Variants in PIP4K2C observed in about 807,000 individuals in gnomAD.
The protein encoded by PIP4K2C is phosphatidylinositol-5-phosphate 4-kinase type 2 gamma.
In PIP4K2C, 21 loss-of-function variants were observed where a neutral mutation model predicts 45.0. That is an observed-to-expected ratio of 0.47 (90% CI 0.33 to 0.67). The LOEUF (loss-of-function observed/expected upper bound fraction) is 0.67. PIP4K2C is among the 30% of genes least tolerant of loss of function. PIP4K2C has a pLI of 0.02. For synonymous variants in PIP4K2C, 201 were observed against 204.8 expected (o/e 0.98, Z 0.16); for missense variants, 456 against 542.8 (o/e 0.84, Z 1.59).
chr12:57,599,031 C>T (rs1334146592), intron 4 of PIP4K2C, 34 bp from the exon 5 acceptor site: 7 of 1,606,778 alleles, frequency 4.4e-6, no homozygotes, highest in Non-Finnish European at 6.0e-6. Context: ...TGCTACTCAG[C>T]CTCTCCCCAT....
chr12:57,594,995 TAAAA>T (rs560419371), intron 2 of PIP4K2C, 127 bp from the exon 3 acceptor site: 6 of 596,736 alleles, frequency 1.0e-5, no homozygotes, highest in Admixed American at 9.0e-5. Flanking sequence ...AAATAAAAAT[TAAAA>T]AAAAAGGACC....
chr12:57,601,687 C>G lies in PIP4K2C; in HGVS notation c.*81C>G. On this transcript the variant is annotated 3_prime_UTR_variant, in exon 10 of 10. Transcript: ENST00000354947. ...GGAATTGTGGGGATATTCTAGCCAC[C>G]AGTTCTCTTCTTCCTTTGCTAAATT... The G allele has an allele frequency of 8.1e-7, 1 of 1,227,154 alleles. No homozygotes were observed. The highest frequency in any genetic ancestry group is 1.2e-6 in the Non-Finnish European group (1 of 828,160). The allele number at this position is 1,227,154 out of a possible 1,614,324, so 76.0% of individuals were successfully genotyped here.
intron 1 of PIP4K2C, 60 bp downstream of exon 1, chr12:57,591,523 C>G: frequency 1.3e-6 from 2 of 1,487,576 alleles, no homozygotes; most frequent in Non-Finnish European, 1.8e-6. Flanking sequence ...CGAGGCGTCC[C>G]TGTTTCCAGG....
Position 57,601,630 on chromosome 12 carries a change from G to A in PIP4K2C, c.*24G>A, listed in dbSNP as rs1229413305. 1 of 1,566,548 alleles carries A rather than the reference G, an allele frequency of 6.4e-7. No individual in the cohort carries two copies. The highest frequency in any genetic ancestry group is 1.7e-5 in the Admixed American group (1 of 59,952). On this transcript the variant is annotated 3_prime_UTR_variant, in exon 10 of 10. Coordinates refer to ENST00000354947, the MANE Select transcript of PIP4K2C (RefSeq NM_024779.5). Reference sequence around the variant, plus strand: ...AAGAGACTGCCTGGTTCTCTCTGATGTTCAAGGTGGTGGGGTTCTGAGACA... The same window carrying A: ...AAGAGACTGCCTGGTTCTCTCTGATATTCAAGGTGGTGGGGTTCTGAGACA...
At position 57,595,909 on chromosome 12, in the gene PIP4K2C, C is replaced by T; in HGVS notation, c.391C>T (p.Pro131Ser). ...DYLVSLTRNP[P>S]SESEGSDGRF... ...CCAGGTGTCCCTTACCCGAAACCCC[C>T]CCAGCGAAAGTGAAGGCAGTGATGG... Residue 131 changes from proline (P) to serine (S), a missense_variant, in exon 4 of 10, where the codon CCC (proline) becomes TCC (serine). Around this residue, in one of 2 missense-constraint regions of PIP4K2C, gnomAD observed 421 missense variants for 473.1 expected, o/e 0.89. Coordinates refer to ENST00000354947, the MANE Select transcript of PIP4K2C (RefSeq NM_024779.5). 6.2e-7 allele frequency: 1 copy of T among 1,614,068 alleles called. No individual in the cohort carries two copies.
chr12:57,591,495 G>T (rs2140180081), intron 1 of PIP4K2C, 32 bp downstream of exon 1: 1 of 1,557,708 alleles, frequency 6.4e-7, no homozygotes, highest in Middle Eastern at 1.7e-4. Flanking sequence ...CCGCAGCCCT[G>T]TCCAAACCCC....
At position 57,591,303 on chromosome 12, in the gene PIP4K2C, C is replaced by T. The variant is rs1882940542; in HGVS notation, c.14C>T (p.Ser5Leu). Residue 5 changes from serine (S) to leucine (L), a missense_variant, in exon 1 of 10, where the codon TCG (serine) becomes TTG (leucine). Ser to Leu is a moderately radical substitution (Grantham distance 145). Coordinates refer to ENST00000354947, the MANE Select transcript of PIP4K2C (RefSeq NM_024779.5). MASS[S>L]VPPATVSAAT... The stretch of plus-strand genomic sequence containing the variant: ...GCGCGGGAGACTATGGCGTCCTCCT[C>T]GGTCCCACCAGCCACGGTATCGGCG... The T allele has an allele frequency of 1.9e-6, 3 of 1,611,504 alleles. No homozygotes were observed. Among genetic ancestry groups the T allele is most frequent in the Non-Finnish European group, 2.5e-6 (3 of 1,178,592 alleles).
chr12:57,598,286 C>T (rs888567102), intron 4 of PIP4K2C, among the ~76,000 whole-genome samples: 4 of 151,814 alleles, frequency 2.6e-5, no homozygotes, highest in Non-Finnish European at 1.5e-5. Context: ...TTTGGGAGGC[C>T]GAGGTGGGCA....
In PIP4K2C at chr12:57,595,015, G is replaced by T. The variant is rs553006463; in HGVS notation, c.273-111G>T. 210 of 695,954 alleles carry T rather than the reference G, an allele frequency of 3.0e-4. 1 individual carries two copies. The Admixed American group carries it at 5.0e-3, about 17-fold the overall frequency. 43.1% of individuals were successfully genotyped at this position (695,954 alleles called of 1,614,324 possible). A position where few individuals can be genotyped will look rare whatever the true frequency, so the allele number is the denominator to read the frequency against. On this transcript the variant is annotated intron_variant, in intron 2 of 9. Coordinates refer to ENST00000354947, the MANE Select transcript of PIP4K2C (RefSeq NM_024779.5). The stretch of plus-strand genomic sequence containing the variant: ...AAAATTAAAAAAAAAGGACCTCACA[G>T]GGTTTTATGAGAATCAAATGAGGTA...
Position 57,600,559 on chromosome 12 carries a change from T to C in PIP4K2C, c.813+122T>C, listed in dbSNP as rs1407518530. 12 of 805,356 alleles carry C rather than the reference T, an allele frequency of 1.5e-5. No individual in the cohort carries two copies. The East Asian group carries it at 2.5e-4, about 17-fold the overall frequency. 49.9% of individuals were successfully genotyped at this position (805,356 alleles called of 1,614,324 possible). On this transcript the variant is annotated intron_variant, in intron 7 of 9. Coordinates refer to ENST00000354947, the MANE Select transcript of PIP4K2C (RefSeq NM_024779.5). ...CCCTTTATTCTTCAGGTCCTCTGCC[T>C]ATATGGGGGTTTAGTATGAGACATG...
chr12:57,591,882 C>A (rs1426353103), intron 1 of PIP4K2C, among the ~76,000 whole-genome samples: 1 of 151,988 alleles, frequency 6.6e-6, no homozygotes, highest in Non-Finnish European at 1.5e-5. Flanking sequence ...TGAAAAGGTT[C>A]TTTCACTTTG....
intron 4 of PIP4K2C, 93 bp from the exon 5 acceptor site, chr12:57,598,972 T>C (rs770174933): frequency 1.1e-5 from 15 of 1,381,910 alleles, no homozygotes; most frequent in Non-Finnish European, 1.5e-5. Flanking sequence ...AGTCCTCTGC[T>C]CTACCCTGGA....
rs754478884 is a variant in PIP4K2C, at chr12:57,601,048, A to T, written c.1051A>T (p.Ile351Phe). The T allele has an allele frequency of 2.5e-6, 4 of 1,613,820 alleles. No individual in the cohort carries two copies. Among genetic ancestry groups the T allele is most frequent in the Non-Finnish European group, 3.4e-6 (4 of 1,180,014 alleles). Reference protein sequence around the residue: ...PLGPGEFESFIDVYAIRSAEG... With the variant: ...PLGPGEFESFFDVYAIRSAEG... ...GGGCCCAGGAGAGTTTGAGTCCTTC[A>T]TTGATGTCTATGCCATCCGGAGTGC... The change falls in exon 8 of 10, where the codon ATT (isoleucine) becomes TTT (phenylalanine). Residue 351 changes from isoleucine to phenylalanine, a missense_variant. By Grantham distance (21) the Ile-to-Phe change is conservative. Coordinates refer to ENST00000354947, the MANE Select transcript of PIP4K2C (RefSeq NM_024779.5).
chr12:57,596,481 G>A (rs1383794100), intron 4 of PIP4K2C, among the ~76,000 whole-genome samples: 6 of 126,042 alleles, frequency 4.8e-5, no homozygotes, highest in Middle Eastern at 4.0e-3. Context: ...GCAAAACTCC[G>A]CCTAAAAAAA....
In PIP4K2C at chr12:57,595,911, C is replaced by A. The variant is rs1470154224; in HGVS notation, c.393C>A (p.Pro131=). The A allele has an allele frequency of 3.7e-6, 6 of 1,613,960 alleles. No individual in the cohort carries two copies. The African/African-American group carries it at 6.7e-5, about 18-fold the overall frequency. The change falls in exon 4 of 10, where the codon CCC becomes CCA. Residue 131 remains proline (P), a synonymous_variant. Coordinates refer to ENST00000354947, the MANE Select transcript of PIP4K2C (RefSeq NM_024779.5). ...AGGTGTCCCTTACCCGAAACCCCCC[C>A]AGCGAAAGTGAAGGCAGTGATGGTC... ...DYLVSLTRNP[P]SESEGSDGRF...
At position 57,595,246 on chromosome 12, in the gene PIP4K2C, G is replaced by T. The variant is rs1359752315; in HGVS notation, c.369+24G>T. 5 of 1,470,022 alleles carry T rather than the reference G, an allele frequency of 3.4e-6. No homozygotes were observed. The South Asian group carries it at 5.7e-5, about 17-fold the overall frequency. 91.1% of individuals were successfully genotyped at this position (1,470,022 alleles called of 1,614,324 possible). ...TGGTGAGAGTCCATTAAGGGGTGAG[G>T]GTAGCCCTTTCTCCCCAGCAACTGA... On this transcript the variant is annotated intron_variant, in intron 3 of 9. Coordinates refer to ENST00000354947, the MANE Select transcript of PIP4K2C (RefSeq NM_024779.5).
Position 57,599,395 on chromosome 12 carries a change from T to A in PIP4K2C, c.661-5T>A, listed in dbSNP as rs1883331022. The A allele has an allele frequency of 1.2e-6, 2 of 1,614,172 alleles. No homozygotes were observed. Among genetic ancestry groups the A allele is most frequent in the Non-Finnish European group, 1.7e-6 (2 of 1,180,032 alleles). On this transcript the variant is annotated splice_region_variant and splice_polypyrimidine_tract_variant and intron_variant, in intron 5 of 9. Coordinates refer to ENST00000354947, the MANE Select transcript of PIP4K2C (RefSeq NM_024779.5). Reference sequence around the variant, plus strand: ...TACTGACTTGGTGTTTGGGTCTTTCTGCAGGGTTCCCTAGTGTCCCGGGAA... The same window carrying A: ...TACTGACTTGGTGTTTGGGTCTTTCAGCAGGGTTCCCTAGTGTCCCGGGAA...
At position 57,591,391 on chromosome 12, in the gene PIP4K2C, G is replaced by A. The variant is rs768870366; in HGVS notation, c.102G>A (p.Val34=). ...CCAAGACCAAGAAGAAGCATTTCGT[G>A]CAGCAGAAGGTGAAGGTGTTCCGGG... ...FASKTKKKHF[V]QQKVKVFRAA... The change falls in exon 1 of 10, where the codon GTG becomes GTA. Residue 34 remains valine, a synonymous_variant. Transcript: ENST00000354947. 6.2e-7 allele frequency: 1 copy of A among 1,613,976 alleles called. No homozygotes were observed. The highest frequency in any genetic ancestry group is 1.7e-5 in the Admixed American group (1 of 60,014).
chr12:57,601,641 T>C lies in PIP4K2C; in HGVS notation c.*35T>C, dbSNP rs199634137. 6.5e-6 allele frequency: 10 copies of C among 1,547,986 alleles called. No homozygotes were observed. In the South Asian group the frequency reaches 1.0e-4, roughly 16 times the overall value. On this transcript the variant is annotated 3_prime_UTR_variant, in exon 10 of 10. Coordinates refer to ENST00000354947, the MANE Select transcript of PIP4K2C (RefSeq NM_024779.5). ...TGGTTCTCTCTGATGTTCAAGGTGG[T>C]GGGGTTCTGAGACACTTGGGGGAAT...
Sources: allele counts gnomAD v4.1 joint callset (sites outside exome capture counted in the v4.1 genomes callset), GRCh38; gene constraint gnomAD v4.1.1; regional missense constraint gnomAD v4.1.1; transcripts MANE v1.5; gene names NCBI Gene and HGNC (gene_info 2026-07-23, HGNC 2026-07-21).